SH3BP2: variants seen among roughly 807,000 people sequenced by gnomAD.
The protein encoded by SH3BP2 is SH3 domain-binding protein 2.
SH3BP2 carries 38 observed loss-of-function variants against 56.2 expected under a neutral mutation model. The ratio of observed to expected loss-of-function variants is 0.68; its 90% confidence interval spans 0.52 to 0.89. The LOEUF (loss-of-function observed/expected upper bound fraction) is 0.89. SH3BP2 is among the 40% of genes least tolerant of loss of function. The probability of loss-of-function intolerance (pLI) is 0.00; values close to 1 mark genes in which losing one functional copy is unlikely to be tolerated. For synonymous variants in SH3BP2, 346 were observed against 316.7 expected (o/e 1.09, Z -0.98); for missense variants, 748 against 762.6 (o/e 0.98, Z 0.23).
At chr4:2,823,585 C>T (rs1215320557) in intron 3 of SH3BP2, 1 of 454,194 alleles carries the variant, frequency 2.2e-6, no homozygotes, top group Non-Finnish European at 4.4e-6. Context: ...TGGGCGGTGG[C>T]CAGGTGGCAT....
Position 2,831,293 on chromosome 4 carries a change from C to T in SH3BP2, c.1242-278C>T, listed in dbSNP as rs768667596. 5.3e-5 allele frequency among the ~76,000 whole-genome samples: 8 copies of T among 152,186 alleles called. No individual in the cohort carries two copies. The highest frequency in any genetic ancestry group is 1.2e-4 in the Non-Finnish European group (8 of 68,032). ...CACGAGCATCCAGAGCACTTGTTGACGGTGTGATGACACTGAGCTTGGGAA... is the reference window on the plus strand; with the variant it reads ...CACGAGCATCCAGAGCACTTGTTGATGGTGTGATGACACTGAGCTTGGGAA... On this transcript the variant is annotated intron_variant, in intron 8 of 12. Coordinates refer to ENST00000503393, the MANE Select transcript of SH3BP2 (RefSeq NM_001122681.2). The surrounding 1 kb of genome is among the most constrained non-coding windows in gnomAD (Gnocchi z 4.1).
intron 7 of SH3BP2, 26 bp downstream of exon 7, chr4:2,827,700 A>G: frequency 6.7e-7 from 1 of 1,503,296 alleles, no homozygotes; most frequent in Non-Finnish European, 9.1e-7. Flanking sequence ...GGGCCCGGGG[A>G]GCTCTGGGTG....
At chr4:2,812,310 T>C (rs1361236297) in intron 1 of SH3BP2, 5 of 1,548,966 alleles carry the variant, frequency 3.2e-6, no homozygotes, top group Non-Finnish European at 4.4e-6. Context: ...AGGAGTGAGC[T>C]GTGGGCACAG....
At chr4:2,818,645 C>T (rs970743880) in intron 1 of SH3BP2, 4 of 885,560 alleles carry the variant, frequency 4.5e-6, no homozygotes, top group Non-Finnish European at 5.5e-6. Flanking sequence ...TCCTCCATCC[C>T]CACTGCGGGG....
chr4:2,818,094 A>T, intron 1 of SH3BP2: 1 of 480,174 alleles, frequency 2.1e-6, no homozygotes, highest in Non-Finnish European at 2.7e-6. Context: ...CAGGGGGCTC[A>T]CGTGCCTCCC....
intron 1 of SH3BP2, chr4:2,799,139 C>G: frequency 1.0e-6 from 1 of 985,782 alleles, no homozygotes; most frequent in Non-Finnish European, 1.2e-6. Context: ...TCCTGCTGTA[C>G]CCCTGCTGGC....
chr4:2,830,213 G>C, intron 8 of SH3BP2, 66 bp downstream of exon 8: 1 of 1,456,284 alleles, frequency 6.9e-7, no homozygotes. Flanking sequence ...GCCTCTGACG[G>C]GCACTCTGCC....
rs768944060 is a variant in SH3BP2 at position 2,810,846 on chromosome 4, C to T, written c.-4-9768C>T. ...CAGTGGCCCAGGGGTTCCTCACCTG[C>T]TGTTTGATCTCAACCCTCCTGCAAG... On this transcript the variant is annotated intron_variant, in intron 1 of 12. Transcript: ENST00000503393. This position sits in a 1 kb window ranked among gnomAD's most constrained non-coding sequence, Gnocchi z 4.2. 2.0e-5 allele frequency among the ~76,000 whole-genome samples: 3 copies of T among 152,218 alleles called. No individual in the cohort carries two copies. The highest frequency in any genetic ancestry group is 2.9e-5 in the Non-Finnish European group (2 of 68,032).
chr4:2,827,144 T>G (rs768707541), intron 5 of SH3BP2, 86 bp from the exon 6 acceptor site: 3 of 995,190 alleles, frequency 3.0e-6, no homozygotes, highest in Non-Finnish European at 3.2e-6. Context: ...TGTATCCGCG[T>G]GTGCCTGTGT....
chr4:2,805,728 G>A (rs952240142), intron 1 of SH3BP2, among the ~76,000 whole-genome samples: 2 of 152,220 alleles, frequency 1.3e-5, no homozygotes, highest in Admixed American at 6.5e-5. Context: ...GCCGTGGACT[G>A]AGCCTGTGTG....
chr4:2,816,237 C>T (rs1723991378), intron 1 of SH3BP2, among the ~76,000 whole-genome samples: 1 of 152,034 alleles, frequency 6.6e-6, no homozygotes, highest in South Asian at 2.1e-4. Context: ...ATGGGGGTTT[C>T]ACCATGTTGG....
At chr4:2,816,413 C>A (rs1393382163) in intron 1 of SH3BP2, among the ~76,000 whole-genome samples, 1 of 152,232 alleles carries the variant, frequency 6.6e-6, no homozygotes, top group Non-Finnish European at 1.5e-5. Flanking sequence ...AATAATTGTT[C>A]TTTCTTTCCA....
Position 2,831,716 on chromosome 4 carries a change from G to T in SH3BP2, c.1350+37G>T. 1 of 1,522,222 alleles carries T rather than the reference G, an allele frequency of 6.6e-7. No homozygotes were observed. Among genetic ancestry groups the T allele is most frequent in the South Asian group, 1.2e-5 (1 of 85,308 alleles). The allele number at this position is 1,522,222 out of a possible 1,614,324, so 94.3% of individuals were successfully genotyped here. A position where few individuals can be genotyped will look rare whatever the true frequency, so the allele number is the denominator to read the frequency against. Reference sequence around the variant, plus strand: ...CGGCAAGCCTGGGTCCCAGTGGCCAGTAGGTGGACAGGTGGTGGGAAAGCC... The same window carrying T: ...CGGCAAGCCTGGGTCCCAGTGGCCATTAGGTGGACAGGTGGTGGGAAAGCC... On this transcript the variant is annotated intron_variant, in intron 9 of 12. Coordinates refer to ENST00000503393, the MANE Select transcript of SH3BP2 (RefSeq NM_001122681.2). The surrounding 1 kb of genome is among the most constrained non-coding windows in gnomAD (Gnocchi z 4.1).
In SH3BP2 at chr4:2,836,396, C is replaced by T. The variant is rs1244920354; in HGVS notation, c.*2562C>T. 1 of 152,224 alleles carries T rather than the reference C, an allele frequency of 6.6e-6. No individual in the cohort carries two copies. Among genetic ancestry groups the T allele is most frequent in the Non-Finnish European group, 1.5e-5 (1 of 68,060 alleles). The allele number at this position is 152,224 out of a possible 1,614,324, so 9.4% of individuals were successfully genotyped here. On this transcript the variant is annotated 3_prime_UTR_variant, in exon 13 of 13. Transcript: ENST00000503393. ...TAGGGTTGGGATTACCATTTACTGA[C>T]CACATCTGTGAGGTGCCGAGCTGGG...
intron 1 of SH3BP2, chr4:2,818,830 G>T: frequency 2.0e-6 from 2 of 986,328 alleles, no homozygotes; most frequent in Non-Finnish European, 2.4e-6. Flanking sequence ...GGTGACCCAG[G>T]CCGAGGCCGG....
Position 2,829,957 on chromosome 4 carries a change from C to T in SH3BP2, c.1051C>T (p.Pro351Ser). The T allele has an allele frequency of 1.9e-6, 3 of 1,613,520 alleles. No homozygotes were observed. The highest frequency in any genetic ancestry group is 1.7e-6 in the Non-Finnish European group (2 of 1,179,964). Residue 351 changes from proline (P) to serine (S), a missense_variant, in exon 8 of 13, where the codon CCT (proline) becomes TCT (serine). By Grantham distance (74) the Pro-to-Ser change is moderately conservative. This residue lies in a region of SH3BP2 where 635 missense variants were observed against 615.0 expected (regional missense o/e 1.03). Transcript: ENST00000503393. This position sits in a 1 kb window ranked among gnomAD's most constrained non-coding sequence, Gnocchi z 4.9. ...PRGPPTSEPPPVPANKPKFLK... is the reference protein window; with the variant it reads ...PRGPPTSEPPSVPANKPKFLK... Reference sequence around the variant, plus strand: ...AGGACCACCCACATCTGAGCCCCCACCTGTGCCAGCCAACAAGCCCAAGTT... The same window carrying T: ...AGGACCACCCACATCTGAGCCCCCATCTGTGCCAGCCAACAAGCCCAAGTT...
chr4:2,825,483 C>T (rs1197566424), intron 5 of SH3BP2, among the ~76,000 whole-genome samples: 4 of 151,964 alleles, frequency 2.6e-5, no homozygotes, highest in Admixed American at 2.6e-4. Context: ...CATGCGCACA[C>T]ACACAGAGCA....
In SH3BP2 at chr4:2,838,653, A is replaced by G. The variant is rs1725315061; in HGVS notation, c.*4819A>G. 1 of 126,438 alleles carries G rather than the reference A, an allele frequency of 7.9e-6. No homozygotes were observed. Among genetic ancestry groups the G allele is most frequent in the Non-Finnish European group, 1.6e-5 (1 of 60,976 alleles). 7.8% of individuals were successfully genotyped at this position (126,438 alleles called of 1,614,324 possible). A position where few individuals can be genotyped will look rare whatever the true frequency, so the allele number is the denominator to read the frequency against. ...ATTTTTGTTTGCGATTTTTTTTTTT[A>G]GCTCATCAGCTATAGTTAGTGGTAG... On this transcript the variant is annotated 3_prime_UTR_variant, in exon 13 of 13. Coordinates refer to ENST00000503393, the MANE Select transcript of SH3BP2 (RefSeq NM_001122681.2).
intron 2 of SH3BP2, 48 bp from the exon 3 acceptor site, chr4:2,822,887 G>A (rs989763685): frequency 6.8e-7 from 1 of 1,472,888 alleles, no homozygotes; most frequent in Non-Finnish European, 9.4e-7. Flanking sequence ...GTGGGTCTTG[G>A]CAGCTGCCCC....
Sources: allele counts gnomAD v4.1 joint callset (sites outside exome capture counted in the v4.1 genomes callset), GRCh38; gene constraint gnomAD v4.1.1; regional missense constraint gnomAD v4.1.1; non-coding constraint Gnocchi (gnomAD v3.1); transcripts MANE v1.5; gene names NCBI Gene and HGNC (gene_info 2026-07-23, HGNC 2026-07-21).